Variants in AAK1 observed in about 807,000 individuals in gnomAD.
The protein encoded by AAK1 is AP2-associated protein kinase 1.
Under a neutral mutation model 116.0 loss-of-function variants are expected in AAK1, and 37 were observed. The ratio of observed to expected loss-of-function variants is 0.32; its 90% confidence interval spans 0.25 to 0.42. The LOEUF (loss-of-function observed/expected upper bound fraction) is 0.42. AAK1 is among the 10% of genes least tolerant of loss of function. The probability of loss-of-function intolerance (pLI) is 1.00; values close to 1 mark genes in which losing one functional copy is unlikely to be tolerated. For synonymous variants in AAK1, 458 were observed against 439.9 expected, an observed-to-expected ratio of 1.04 and a Z score of -0.51; for missense variants, 919 against 1,170.6, an observed-to-expected ratio of 0.79 and a Z score of 3.14.
Position 69,497,584 on chromosome 2 carries a change from G to A in AAK1, c.2270-1504C>T, listed in dbSNP as rs982537680. 9.2e-5 allele frequency among the ~76,000 whole-genome samples: 14 copies of A among 151,988 alleles called. 1 individual carries two copies. Among genetic ancestry groups the A allele is most frequent in the Non-Finnish European group, 1.2e-4 (8 of 67,986 alleles). ...CAAAGTGCTGGGATTACAGGCGTGA[G>A]CCACCGTGCCCAGCCATACATAATC... On this transcript the variant is annotated intron_variant, in intron 16 of 21. Coordinates refer to ENST00000409085, the MANE Select transcript of AAK1 (RefSeq NM_014911.5).
chr2:69,587,592 A>G (rs1234877993), intron 2 of AAK1, among the ~76,000 whole-genome samples: 1 of 151,710 alleles, frequency 6.6e-6, no homozygotes, highest in Non-Finnish European at 1.5e-5. Context: ...CAGCCTCCCA[A>G]GTAGCTGGTA....
intron 2 of AAK1, among the ~76,000 whole-genome samples, chr2:69,640,053 ACTCTCTCTCTCT>A (rs1177010194): frequency 2.2e-5 from 2 of 92,742 alleles, no homozygotes; most frequent in African/African-American, 9.8e-5. Context: ...ACACACACAC[ACTCTCTCTCTCT>A]CTCTCTCTCT....
intron 20 of AAK1, chr2:69,478,558 T>C: frequency 4.9e-6 from 1 of 203,172 alleles, no homozygotes; most frequent in Non-Finnish European, 9.8e-6. Context: ...CCTCAAGCAA[T>C]CATCCCACCT....
rs1674644516 is a variant in AAK1 at position 69,470,642 on chromosome 2, A to G, written c.*5227T>C. The G allele has an allele frequency of 7.1e-6, 7 of 985,410 alleles. No homozygotes were observed. The South Asian group carries it at 2.8e-4, about 40-fold the overall frequency. 61.0% of individuals were successfully genotyped at this position (985,410 alleles called of 1,614,324 possible). On this transcript the variant is annotated 3_prime_UTR_variant, in exon 22 of 22. Coordinates refer to ENST00000409085, the MANE Select transcript of AAK1 (RefSeq NM_014911.5). ...ATTAGGGATTAAGTTAGAGGAGGGA[A>G]GCTGCAAACCTGCGCTCCATTTTAC...
rs140261090 is a variant in AAK1, at chr2:69,629,248, C to G, written c.163+13630G>C. 8.0e-4 allele frequency among the ~76,000 whole-genome samples: 122 copies of G among 152,276 alleles called. No individual in the cohort carries two copies. In the East Asian group the frequency reaches 0.022, roughly 27 times the overall value. The stretch of plus-strand genomic sequence containing the variant: ...CAAATACAAGTTAAAAATCACTGTC[C>G]TAATTTACTGCAGGCCAATGCCAAT... On this transcript the variant is annotated intron_variant, in intron 2 of 21. Coordinates refer to ENST00000409085, the MANE Select transcript of AAK1 (RefSeq NM_014911.5).
At chr2:69,630,192 C>T (rs1298864932) in intron 2 of AAK1, among the ~76,000 whole-genome samples, 1 of 152,214 alleles carries the variant, frequency 6.6e-6, no homozygotes, top group East Asian at 1.9e-4. Context: ...CTTATAAAAA[C>T]TTGATAGGTT....
intron 5 of AAK1, among the ~76,000 whole-genome samples, chr2:69,533,114 G>C (rs1427560396): frequency 6.6e-6 from 1 of 152,092 alleles, no homozygotes; most frequent in African/African-American, 2.4e-5. Flanking sequence ...ATTGTCTTTT[G>C]CCTTCAGCCT....
chr2:69,541,730 A>G (rs1016869903), intron 5 of AAK1, among the ~76,000 whole-genome samples: 3 of 152,184 alleles, frequency 2.0e-5, no homozygotes, highest in Non-Finnish European at 4.4e-5. Flanking sequence ...TTTTGGCCCA[A>G]GAGATTCAGT....
At chr2:69,580,653 T>C (rs1232877886) in intron 2 of AAK1, among the ~76,000 whole-genome samples, 1 of 152,210 alleles carries the variant, frequency 6.6e-6, no homozygotes, top group Non-Finnish European at 1.5e-5. Flanking sequence ...ACCCACCAAC[T>C]TGTCTTTTTC....
At position 69,467,309 on chromosome 2, in the gene AAK1, T is replaced by C; in HGVS notation, c.*8560A>G. The stretch of plus-strand genomic sequence containing the variant: ...AAATGCATGGGCCATTACAGAAGCA[T>C]TAGCAAACTCCAATATACTAGTCTA... On this transcript the variant is annotated 3_prime_UTR_variant, in exon 22 of 22. Coordinates refer to ENST00000409085, the MANE Select transcript of AAK1 (RefSeq NM_014911.5). 1.0e-6 allele frequency: 1 copy of C among 985,462 alleles called. No homozygotes were observed. The highest frequency in any genetic ancestry group is 1.2e-6 in the Non-Finnish European group (1 of 829,930). The allele number at this position is 985,462 out of a possible 1,614,324, so 61.0% of individuals were successfully genotyped here. A position where few individuals can be genotyped will look rare whatever the true frequency, so the allele number is the denominator to read the frequency against.
intron 2 of AAK1, among the ~76,000 whole-genome samples, chr2:69,558,895 C>T (rs990379746): frequency 1.3e-5 from 2 of 152,208 alleles, no homozygotes; most frequent in Non-Finnish European, 2.9e-5. Context: ...ATGCCCATGG[C>T]ATTTCCTGCT....
rs756492494 is a variant in AAK1 at position 69,507,542 on chromosome 2, G to A, written c.2043C>T (p.Thr681=). The part of the protein sequence containing the change: ...ATTTPSGSPR[T]SQQNVYNPSE... Reference sequence around the variant, plus strand: ...AAGGATTATAAACGTTTTGTTGAGAGGTCCGAGGAGAGCCTGATGGAGTGG... The same window carrying A: ...AAGGATTATAAACGTTTTGTTGAGAAGTCCGAGGAGAGCCTGATGGAGTGG... The change falls in exon 15 of 22, where the codon ACC becomes ACT. Residue 681 remains threonine (T), a synonymous_variant. Transcript: ENST00000409085. 2 of 1,612,146 alleles carry A rather than the reference G, an allele frequency of 1.2e-6. No homozygotes were observed.
rs930505578 is a variant in AAK1, at chr2:69,474,665, C to T, written c.*1204G>A. 14 of 985,742 alleles carry T rather than the reference C, an allele frequency of 1.4e-5. No homozygotes were observed. The Admixed American group carries it at 5.5e-4, about 39-fold the overall frequency. The allele number at this position is 985,742 out of a possible 1,614,324, so 61.1% of individuals were successfully genotyped here. A position where few individuals can be genotyped will look rare whatever the true frequency, so the allele number is the denominator to read the frequency against. ...AGATTGTGTCCAGCTTGTCAGCACACTTATTTCTGATTATCTGAAAATAAA... is the reference window on the plus strand; with the variant it reads ...AGATTGTGTCCAGCTTGTCAGCACATTTATTTCTGATTATCTGAAAATAAA... On this transcript the variant is annotated 3_prime_UTR_variant, in exon 22 of 22. Coordinates refer to ENST00000409085, the MANE Select transcript of AAK1 (RefSeq NM_014911.5).
chr2:69,474,405 G>A lies in AAK1; in HGVS notation c.*1464C>T. The stretch of plus-strand genomic sequence containing the variant: ...TTTATAAAAGTGCTTTCCACATAAG[G>A]AAATAAAATACACTTTAATGAGTAA... On this transcript the variant is annotated 3_prime_UTR_variant, in exon 22 of 22. Coordinates refer to ENST00000409085, the MANE Select transcript of AAK1 (RefSeq NM_014911.5). 2 of 985,760 alleles carry A rather than the reference G, an allele frequency of 2.0e-6. No homozygotes were observed. The highest frequency in any genetic ancestry group is 2.4e-6 in the Non-Finnish European group (2 of 829,916). 61.1% of individuals were successfully genotyped at this position (985,760 alleles called of 1,614,324 possible). A position where few individuals can be genotyped will look rare whatever the true frequency, so the allele number is the denominator to read the frequency against.
intron 2 of AAK1, among the ~76,000 whole-genome samples, chr2:69,580,634 G>A (rs545630138): frequency 2.6e-4 from 39 of 152,280 alleles, no homozygotes; most frequent in African/African-American, 7.9e-4. Context: ...TCCAGGTTCC[G>A]TTAGAAACAC....
intron 2 of AAK1, among the ~76,000 whole-genome samples, chr2:69,630,802 G>T (rs1245697967): frequency 6.6e-6 from 1 of 152,142 alleles, no homozygotes; most frequent in Admixed American, 6.5e-5. Flanking sequence ...AGACAGTATT[G>T]GATATCAGGT....
chr2:69,511,466 A>G (rs1264912398), intron 13 of AAK1, among the ~76,000 whole-genome samples: 3 of 152,238 alleles, frequency 2.0e-5, no homozygotes, highest in African/African-American at 7.2e-5. Flanking sequence ...GTGCTCTGTG[A>G]AGACAACCAC....
intron 5 of AAK1, among the ~76,000 whole-genome samples, chr2:69,537,964 T>C (rs1365253332): frequency 6.6e-6 from 1 of 152,188 alleles, no homozygotes; most frequent in Non-Finnish European, 1.5e-5. Context: ...GTGAACAAAT[T>C]GGCAGCATGC....
intron 2 of AAK1, among the ~76,000 whole-genome samples, chr2:69,628,795 T>C (rs1675031448): frequency 6.6e-6 from 1 of 152,224 alleles, no homozygotes; most frequent in Non-Finnish European, 1.5e-5. Flanking sequence ...GCGAGCCACC[T>C]AGAGCTGACC....
Sources: gnomAD v4.1 joint callset for allele counts (sites outside exome capture counted in the v4.1 genomes callset) on GRCh38, gnomAD v4.1.1 for gene constraint, MANE v1.5 for transcripts, NCBI Gene and HGNC (gene_info 2026-07-23, HGNC 2026-07-21) for gene names.